Variants in PLPP3 observed in about 807,000 individuals in gnomAD.
PLPP3 encodes PAP2 beta.
In PLPP3, 6 loss-of-function variants were observed where a neutral mutation model predicts 29.6. That is an observed-to-expected ratio of 0.20 (90% CI 0.11 to 0.40). The LOEUF is 0.40. PLPP3 is among the 10% of genes least tolerant of loss of function. PLPP3 has a pLI of 1.00. For synonymous variants in PLPP3, 152 were observed against 159.7 expected, an observed-to-expected ratio of 0.95 and a Z score of 0.36; for missense variants, 308 against 407.7, an observed-to-expected ratio of 0.76 and a Z score of 2.11.
rs997167462 is a variant in PLPP3, at chr1:56,499,895, G to T, written c.811-3219C>A. 9.9e-5 allele frequency among the ~76,000 whole-genome samples: 15 copies of T among 152,166 alleles called. No homozygotes were observed. The South Asian group carries it at 1.0e-3, about 11-fold the overall frequency. The stretch of plus-strand genomic sequence containing the variant: ...AACCCAGAGGCCCAGGCTGGGAAGG[G>T]TCTATACAAATTAAGTAGCTGTCTT... On this transcript the variant is annotated intron_variant, in intron 5 of 5. Transcript: ENST00000371250.
chr1:56,572,792 C>G (rs142372802), intron 1 of PLPP3, among the ~76,000 whole-genome samples: 2 of 152,120 alleles, frequency 1.3e-5, no homozygotes, highest in African/African-American at 4.8e-5. Context: ...AACTTCATTC[C>G]TACCTGATAA....
At chr1:56,498,990 C>T (rs1039829579) in intron 5 of PLPP3, among the ~76,000 whole-genome samples, 5 of 152,082 alleles carry the variant, frequency 3.3e-5, no homozygotes, top group African/African-American at 4.8e-5. Flanking sequence ...GAAAATAAGT[C>T]GTACAGGCCT....
intron 2 of PLPP3, among the ~76,000 whole-genome samples, chr1:56,530,961 G>A (rs1054890846): frequency 6.6e-6 from 1 of 152,174 alleles, no homozygotes; most frequent in African/African-American, 2.4e-5. Flanking sequence ...TTAAAGTAGA[G>A]CTCAAGTGCC....
rs1237275286 is a variant in PLPP3, at chr1:56,523,705, C to G, written c.633+118G>C. On this transcript the variant is annotated intron_variant, in intron 4 of 5. Transcript: ENST00000371250. ...AATTAAACCTAACTTTTCTAGCTAA[C>G]CTCTTTTTCAAGGATTTCACAGTGA... is the stretch of plus-strand genomic sequence containing the variant. The G allele has an allele frequency of 7.9e-6, 9 of 1,142,028 alleles. No individual in the cohort carries two copies. In the African/African-American group the frequency reaches 1.4e-4, roughly 18 times the overall value. The allele number at this position is 1,142,028 out of a possible 1,614,324, so 70.7% of individuals were successfully genotyped here. A position where few individuals can be genotyped will look rare whatever the true frequency, so the allele number is the denominator to read the frequency against.
At chr1:56,514,078 A>G (rs1390724133) in intron 4 of PLPP3, among the ~76,000 whole-genome samples, 1 of 152,130 alleles carries the variant, frequency 6.6e-6, no homozygotes, top group Non-Finnish European at 1.5e-5. Context: ...ATTTAAAAAA[A>G]AAGAAAAAAG....
At chr1:56,526,052 C>G (rs1198259030) in intron 2 of PLPP3, among the ~76,000 whole-genome samples, 1 of 152,100 alleles carries the variant, frequency 6.6e-6, no homozygotes, top group African/African-American at 2.4e-5. Context: ...TATATAAGAG[C>G]TACATTTTGT....
intron 4 of PLPP3, among the ~76,000 whole-genome samples, chr1:56,515,165 T>C (rs1432213977): frequency 6.6e-6 from 1 of 152,268 alleles, no homozygotes; most frequent in Admixed American, 6.5e-5. Flanking sequence ...GCAACCACTC[T>C]CTTAGAGGCT....
intron 5 of PLPP3, 141 bp from the exon 6 acceptor site, chr1:56,496,817 G>A: frequency 1.2e-6 from 1 of 808,284 alleles, no homozygotes; most frequent in Non-Finnish European, 1.9e-6. Context: ...GGACAACAGA[G>A]ATCATATCAT....
intron 5 of PLPP3, among the ~76,000 whole-genome samples, chr1:56,497,542 G>T (rs79066668): frequency 1.3e-5 from 2 of 152,222 alleles, no homozygotes; most frequent in South Asian, 4.1e-4. Context: ...AACCATAAGC[G>T]GCAGCTATCA....
chr1:56,541,439 G>C (rs1645968407), intron 1 of PLPP3, among the ~76,000 whole-genome samples: 2 of 152,246 alleles, frequency 1.3e-5, no homozygotes, highest in East Asian at 3.9e-4. Context: ...ACTGTCTTGA[G>C]GGTCCCCATA....
At chr1:56,511,866 A>T in intron 5 of PLPP3, 110 bp downstream of exon 5, 1 of 1,358,884 alleles carries the variant, frequency 7.4e-7, no homozygotes, top group Non-Finnish European at 1.0e-6. Flanking sequence ...TTCAGACACC[A>T]AGCAGAGGAC....
chr1:56,559,989 C>T (rs1051533976), intron 1 of PLPP3, among the ~76,000 whole-genome samples: 2 of 152,220 alleles, frequency 1.3e-5, no homozygotes, highest in African/African-American at 4.8e-5. Context: ...TGCCTAAAAG[C>T]ATTCTGCTAA....
chr1:56,503,752 T>C (rs974720553), intron 5 of PLPP3, among the ~76,000 whole-genome samples: 14 of 152,174 alleles, frequency 9.2e-5, no homozygotes, highest in African/African-American at 3.1e-4. Flanking sequence ...TGAAAACACT[T>C]TGTAGCTATG....
chr1:56,515,450 T>C (rs1187170431), intron 4 of PLPP3, among the ~76,000 whole-genome samples: 5 of 151,912 alleles, frequency 3.3e-5, no homozygotes, highest in African/African-American at 1.2e-4. Flanking sequence ...AGCCCACATC[T>C]CCCCTTCCCC....
In PLPP3 at chr1:56,512,226, C is replaced by T. The variant is rs1645746110; in HGVS notation, c.634-74G>A. On this transcript the variant is annotated intron_variant, in intron 4 of 5. Transcript: ENST00000371250. Reference sequence around the variant, plus strand: ...ACATGCACTATAACCCCAGGTGACACACACTACATTTCTACGAACAGGGAT... The same window carrying T: ...ACATGCACTATAACCCCAGGTGACATACACTACATTTCTACGAACAGGGAT... 9.8e-6 allele frequency: 13 copies of T among 1,326,788 alleles called. No homozygotes were observed. The South Asian group carries it at 1.9e-4, about 19-fold the overall frequency. The allele number at this position is 1,326,788 out of a possible 1,614,324, so 82.2% of individuals were successfully genotyped here.
intron 1 of PLPP3, among the ~76,000 whole-genome samples, chr1:56,575,386 C>G (rs1646228927): frequency 6.6e-6 from 1 of 152,156 alleles, no homozygotes; most frequent in Non-Finnish European, 1.5e-5. Context: ...AGAACCAGTT[C>G]TAGAATTTTA....
intron 1 of PLPP3, among the ~76,000 whole-genome samples, chr1:56,547,250 C>T (rs1313669773): frequency 6.6e-6 from 1 of 152,110 alleles, no homozygotes; most frequent in Non-Finnish European, 1.5e-5. Flanking sequence ...CTCTGTGTCC[C>T]TGATACAAGG....
At chr1:56,574,727 TC>T (rs748405526) in intron 1 of PLPP3, among the ~76,000 whole-genome samples, 33 of 152,208 alleles carry the variant, frequency 2.2e-4, no homozygotes, top group Non-Finnish European at 4.1e-4. Flanking sequence ...AGTGCTTACC[TC>T]CCCTCCAGAA....
intron 1 of PLPP3, among the ~76,000 whole-genome samples, chr1:56,550,446 C>T (rs1243299647): frequency 6.6e-6 from 1 of 152,096 alleles, no homozygotes; most frequent in Non-Finnish European, 1.5e-5. Flanking sequence ...GAAGCCAGGC[C>T]CTTAATCCTT....
Sources: allele counts gnomAD v4.1 joint callset (sites outside exome capture counted in the v4.1 genomes callset), GRCh38; gene constraint gnomAD v4.1.1; transcripts MANE v1.5; gene names NCBI Gene and HGNC (gene_info 2026-07-23, HGNC 2026-07-21).